The following LRRC7 variants were observed in gnomAD, a reference collection of about 807,000 sequenced individuals.
The protein encoded by LRRC7 is leucine rich repeat containing 7, also known as leucine-rich repeat-containing protein 7.
LRRC7 carries 23 observed loss-of-function variants against 175.7 expected under a neutral mutation model. That is an observed-to-expected ratio of 0.13 (90% CI 0.09 to 0.19). The LOEUF (loss-of-function observed/expected upper bound fraction) is 0.19, where lower values mean the gene tolerates loss of function less well. LRRC7 is among the 10% of genes least tolerant of loss of function. LRRC7 has a pLI of 1.00. For missense variants in LRRC7, 1,354 were observed against 1,904.7 expected (o/e 0.71, Z 5.38); for synonymous variants, 685 against 680.9 (o/e 1.01, Z -0.09).
intron 8 of LRRC7, among the ~76,000 whole-genome samples, chr1:69,979,046 C>CT (rs568117289): frequency 3.9e-5 from 6 of 152,024 alleles, no homozygotes; most frequent in African/African-American, 1.4e-4. Flanking sequence ...ACAGGCTCTC[C>CT]TTTTTTTGTC....
intron 2 of LRRC7, among the ~76,000 whole-genome samples, chr1:69,753,519 T>C (rs1670076439): frequency 6.6e-6 from 1 of 152,048 alleles, no homozygotes; most frequent in South Asian, 2.1e-4. Flanking sequence ...AAACCTAAAT[T>C]AGTTTATCAT....
intron 8 of LRRC7, among the ~76,000 whole-genome samples, chr1:69,967,233 G>A (rs1418271964): frequency 1.3e-5 from 2 of 152,108 alleles, no homozygotes; most frequent in East Asian, 3.9e-4. Flanking sequence ...TAATCCTCCT[G>A]GGAACATAAC....
intron 7 of LRRC7, among the ~76,000 whole-genome samples, chr1:69,910,986 T>G (rs1024395620): frequency 6.6e-6 from 1 of 152,198 alleles, no homozygotes; most frequent in Non-Finnish European, 1.5e-5. Context: ...TCCGTGGGCA[T>G]AGGACCCTCC....
At chr1:69,680,607 G>T (rs182862117) in intron 2 of LRRC7, among the ~76,000 whole-genome samples, 17 of 150,426 alleles carry the variant, frequency 1.1e-4, no homozygotes, top group Non-Finnish European at 1.5e-5. Flanking sequence ...ATTTTCCCCT[G>T]TTAGTACAAT....
chr1:70,136,421 A>T lies in LRRC7; in HGVS notation c.*14534A>T, dbSNP rs970961259. ...CCAATCTATATGTTTATCCTTTTTTAAAAAATTATTTAACTGTTAAAACAA... is the reference window on the plus strand; with the variant it reads ...CCAATCTATATGTTTATCCTTTTTTTAAAAATTATTTAACTGTTAAAACAA... On this transcript the variant is annotated 3_prime_UTR_variant, in exon 27 of 27. Transcript: ENST00000651989. 6.6e-6 allele frequency among the ~76,000 whole-genome samples: 1 copy of T among 152,078 alleles called. No individual in the cohort carries two copies. Among genetic ancestry groups the T allele is most frequent in the Non-Finnish European group, 1.5e-5 (1 of 68,010 alleles).
chr1:70,111,298 C>T (rs963908281), intron 26 of LRRC7, among the ~76,000 whole-genome samples: 4 of 152,060 alleles, frequency 2.6e-5, no homozygotes, highest in African/African-American at 9.7e-5. Context: ...AAGATGTGTG[C>T]AATAAGGGAT....
intron 7 of LRRC7, among the ~76,000 whole-genome samples, chr1:69,906,595 C>T (rs1646321218): frequency 6.6e-6 from 1 of 152,104 alleles, no homozygotes; most frequent in Non-Finnish European, 1.5e-5. Context: ...TTTCTGAGGG[C>T]TCTGTTCTGT....
intron 3 of LRRC7, among the ~76,000 whole-genome samples, chr1:69,773,890 G>A (rs1672519331): frequency 1.3e-5 from 2 of 152,146 alleles, no homozygotes; most frequent in Admixed American, 1.3e-4. Context: ...ATGGTGGATT[G>A]CACTTGTTAT....
At chr1:69,568,675 T>C (rs1286130030) in intron 1 of LRRC7, 34 bp downstream of exon 1, 2 of 1,160,920 alleles carry the variant, frequency 1.7e-6, no homozygotes, top group Non-Finnish European at 2.2e-6. Context: ...TGGCGGAGGG[T>C]GCTGCGGGGG....
chr1:69,936,528 TTA>T (rs1311283630), intron 8 of LRRC7, among the ~76,000 whole-genome samples: 2 of 152,204 alleles, frequency 1.3e-5, no homozygotes, highest in Non-Finnish European at 2.9e-5. Context: ...TCTTCAAAAA[TTA>T]TAGTTTCCAG....
chr1:69,665,578 G>T (rs529007375), intron 1 of LRRC7, among the ~76,000 whole-genome samples: 1 of 152,100 alleles, frequency 6.6e-6, no homozygotes, highest in Admixed American at 6.5e-5. Context: ...TATTTTATTT[G>T]TAGCCATTGT....
At chr1:69,815,607 G>A (rs1392658595) in intron 4 of LRRC7, among the ~76,000 whole-genome samples, 1 of 152,194 alleles carries the variant, frequency 6.6e-6, no homozygotes, top group Non-Finnish European at 1.5e-5. Context: ...TTCAATGACA[G>A]CCATTCACTT....
At position 70,038,983 on chromosome 1, in the gene LRRC7, G is replaced by A; in HGVS notation, c.3159G>A (p.Gly1053=). The change falls in exon 21 of 27, where the codon GGG becomes GGA. Residue 1053 remains glycine, a synonymous_variant. Coordinates refer to ENST00000651989, the MANE Select transcript of LRRC7 (RefSeq NM_001370785.2). The part of the protein sequence containing the change: ...DEMLTYGSSK[G]PQQQKASMTK... ...TGCTCACCTACGGAAGTAGTAAGGG[G>A]CCACAACAACAAAAAGCTTCTATGA... 6 of 1,613,920 alleles carry A rather than the reference G, an allele frequency of 3.7e-6. No homozygotes were observed. The highest frequency in any genetic ancestry group is 1.3e-5 in the African/African-American group (1 of 75,002).
chr1:69,759,463 G>C (rs927620775), intron 2 of LRRC7, among the ~76,000 whole-genome samples: 1 of 151,966 alleles, frequency 6.6e-6, no homozygotes, highest in Non-Finnish European at 1.5e-5. Context: ...AGAGGAATAG[G>C]AGAAAGATGT....
intron 4 of LRRC7, among the ~76,000 whole-genome samples, chr1:69,796,918 T>G (rs1675854338): frequency 6.6e-6 from 1 of 152,202 alleles, no homozygotes; most frequent in South Asian, 2.1e-4. Flanking sequence ...TGATACTTTT[T>G]TACATTGTAT....
At chr1:69,577,676 G>T (rs1646011049) in intron 1 of LRRC7, among the ~76,000 whole-genome samples, 1 of 152,132 alleles carries the variant, frequency 6.6e-6, no homozygotes, top group Non-Finnish European at 1.5e-5. Flanking sequence ...GTTTGTCAAA[G>T]ATCAGATAGT....
intron 7 of LRRC7, among the ~76,000 whole-genome samples, chr1:69,894,094 A>G (rs1645913655): frequency 6.6e-6 from 1 of 152,242 alleles, no homozygotes; most frequent in Non-Finnish European, 1.5e-5. Flanking sequence ...TTTTCAAGAA[A>G]TAGTGATCAT....
chr1:69,686,109 T>C (rs545730680), intron 2 of LRRC7, among the ~76,000 whole-genome samples: 1 of 152,266 alleles, frequency 6.6e-6, no homozygotes, highest in East Asian at 1.9e-4. Flanking sequence ...TACAAGATTT[T>C]CAAGTATTAT....
At chr1:70,059,204 T>G (rs1661386296) in intron 23 of LRRC7, among the ~76,000 whole-genome samples, 1 of 152,216 alleles carries the variant, frequency 6.6e-6, no homozygotes, top group Non-Finnish European at 1.5e-5. Context: ...GTTCCCTCCC[T>G]GAGTGTTCTA....
Sources: gnomAD v4.1 joint callset for allele counts (sites outside exome capture counted in the v4.1 genomes callset) on GRCh38, gnomAD v4.1.1 for gene constraint, MANE v1.5 for transcripts, NCBI Gene and HGNC (gene_info 2026-07-23, HGNC 2026-07-21) for gene names.